APOL4: variants seen among roughly 807,000 people sequenced by gnomAD.
The protein encoded by APOL4 is apolipoprotein L4.
APOL4 carries 14 observed loss-of-function variants against 12.1 expected under a neutral mutation model. That is an observed-to-expected ratio of 1.16 (90% CI 0.76 to 1.81). The LOEUF (loss-of-function observed/expected upper bound fraction) is 1.81, where lower values mean the gene tolerates loss of function less well. Among genes scored for constraint, APOL4 ranks in the 40% most tolerant of loss-of-function variants. The pLI is 0.00. For missense variants in APOL4, 432 were observed against 423.1 expected (o/e 1.02, Z -0.18); for synonymous variants, 171 against 160.6 (o/e 1.06, Z -0.49).
chr22:36,191,611 C>A lies in APOL4; in HGVS notation c.511G>T (p.Ala171Ser), dbSNP rs561038536. 139 of 1,613,638 alleles carry A rather than the reference C, an allele frequency of 8.6e-5. No homozygotes were observed. Among genetic ancestry groups the A allele is most frequent in the Non-Finnish European group, 1.1e-4 (135 of 1,179,678 alleles). ...GATGCTATTCCCAGCCCTACCCCAG[C>A]TGCAGTAATGCTCAGGCTCAGCCCT... The part of the protein sequence containing the change: ...TAGLSLSITA[A>S]GVGLGIASAT... The change falls in exon 4 of 4, where the codon GCT becomes TCT. Residue 171 changes from alanine (A) to serine (S), a missense_variant. Ala to Ser is a moderately conservative substitution (Grantham distance 99, BLOSUM62 1). Transcript: ENST00000683024.
chr22:36,199,218 C>T (rs1000063742), intron 2 of APOL4, 112 bp downstream of exon 2: 21 of 1,450,284 alleles, frequency 1.4e-5, no homozygotes, highest in South Asian at 2.3e-5. Flanking sequence ...GTCTGGGTTC[C>T]GTTGGGGCTC....
chr22:36,200,693 A>G (rs2014545259), intron 1 of APOL4, among the ~76,000 whole-genome samples: 1 of 152,262 alleles, frequency 6.6e-6, no homozygotes, highest in African/African-American at 2.4e-5. Context: ...GGGTATCAAC[A>G]TCTCAAAATG....
intron 3 of APOL4, 127 bp downstream of exon 3, chr22:36,195,184 G>A: frequency 1.6e-6 from 2 of 1,245,744 alleles, no homozygotes; most frequent in South Asian, 2.9e-5. Flanking sequence ...GCACTGCTGA[G>A]AGGGACATCC....
chr22:36,196,694 G>A (rs966086336), intron 2 of APOL4, among the ~76,000 whole-genome samples: 2 of 152,208 alleles, frequency 1.3e-5, no homozygotes, highest in African/African-American at 4.8e-5. Flanking sequence ...TTCCTGCTGT[G>A]CTCATACGTG....
intron 3 of APOL4, 192 bp downstream of exon 3, chr22:36,195,119 C>T (rs891241239): frequency 4.7e-6 from 3 of 639,076 alleles, no homozygotes; most frequent in Non-Finnish European, 5.0e-6. Context: ...CTTCTTCTCC[C>T]CTCAGCCTGA....
chr22:36,189,325 G>T lies in APOL4; in HGVS notation c.*1750C>A, dbSNP rs997487052. On this transcript the variant is annotated 3_prime_UTR_variant, in exon 4 of 4. Transcript: ENST00000683024. ...GATGTTTGGATTCTCAGAGACACCT[G>T]GTCCTCAGCTGGGCACCATGGAAAT... 7 of 152,196 alleles carry T rather than the reference G, an allele frequency of 4.6e-5. No homozygotes were observed. Among genetic ancestry groups the T allele is most frequent in the Admixed American group, 3.9e-4 (6 of 15,256 alleles). 9.4% of individuals were successfully genotyped at this position (152,196 alleles called of 1,614,324 possible).
At chr22:36,193,260 C>G (rs1260972597) in intron 3 of APOL4, among the ~76,000 whole-genome samples, 1 of 152,178 alleles carries the variant, frequency 6.6e-6, no homozygotes, top group African/African-American at 2.4e-5. Context: ...TGTGACTCCC[C>G]CTCTGACTTT....
In APOL4 at chr22:36,201,594, C is replaced by A. The variant is rs114587863; in HGVS notation, c.35+106G>T. The A allele has an allele frequency of 6.9e-3, 7,463 of 1,075,610 alleles. 1,225 individuals are homozygous for A. In the African/African-American group the frequency reaches 0.18, roughly 26 times the overall value. The allele number at this position is 1,075,610 out of a possible 1,614,324, so 66.6% of individuals were successfully genotyped here. On this transcript the variant is annotated intron_variant, in intron 1 of 3. Coordinates refer to ENST00000683024, the MANE Select transcript of APOL4 (RefSeq NM_001386885.1). ...TCTTCCTGCTTTGTTCACTGTGTGA[C>A]CCCCTAGGCCAAGGCAACCATCTCA...
At chr22:36,204,723 A>G, upstream of APOL4, 4 of 396,406 alleles carry the variant, frequency 1.0e-5, no homozygotes, top group South Asian at 1.2e-4. Context: ...ATAACCAGAC[A>G]CGTCCTCCAG....
At chr22:36,197,158 C>T (rs1434754388) in intron 2 of APOL4, among the ~76,000 whole-genome samples, 2 of 152,172 alleles carry the variant, frequency 1.3e-5, no homozygotes, top group African/African-American at 2.4e-5. Context: ...GCCGCCCAGC[C>T]CAGCCCTTCC....
At position 36,195,376 on chromosome 22, in the gene APOL4, A is replaced by G; in HGVS notation, c.144T>C (p.His48=). 1 of 1,613,798 alleles carries G rather than the reference A, an allele frequency of 6.2e-7. No individual in the cohort carries two copies. Among genetic ancestry groups the G allele is most frequent in the Non-Finnish European group, 8.5e-7 (1 of 1,179,860 alleles). Residue 48 remains histidine, a synonymous_variant, in exon 3 of 4, where the codon CAT becomes CAC. Transcript: ENST00000683024. ...CATCGCTAGTCAGCAGGATTTTCAG[A>G]TGCACTGGGCTAACTTTCTTCTGGA... The part of the protein sequence containing the change: ...EYFQKKVSPV[H]LKILLTSDEA...
In APOL4 at chr22:36,201,755, C is replaced by G; in HGVS notation, c.-21G>C. 6.2e-7 allele frequency: 1 copy of G among 1,603,224 alleles called. No individual in the cohort carries two copies. Among genetic ancestry groups the G allele is most frequent in the Non-Finnish European group, 8.5e-7 (1 of 1,174,932 alleles). The stretch of plus-strand genomic sequence containing the variant: ...CCCATCCTCCTTGGTCATTGTTGGC[C>G]TGGCTCAGACGCTGATCTGGGGCCT... On this transcript the variant is annotated 5_prime_UTR_variant, in exon 1 of 4. Coordinates refer to ENST00000683024, the MANE Select transcript of APOL4 (RefSeq NM_001386885.1).
chr22:36,195,743 A>ATCTCTCTC (rs143180155), intron 2 of APOL4, among the ~76,000 whole-genome samples: 2 of 93,464 alleles, frequency 2.1e-5, no homozygotes, highest in African/African-American at 8.7e-5. Flanking sequence ...GAGACAGATG[A>ATCTCTCTC]TCTCTCTCTC....
At position 36,197,538 on chromosome 22, in the gene APOL4, A is replaced by T. The variant is rs2014446284; in HGVS notation, c.82+1792T>A. The stretch of plus-strand genomic sequence containing the variant: ...TTAAAATAAAAACCAGACCTGAAAC[A>T]TTCCCGGGCAAACAAAACCAACCAG... On this transcript the variant is annotated intron_variant, in intron 2 of 3. Coordinates refer to ENST00000683024, the MANE Select transcript of APOL4 (RefSeq NM_001386885.1). 3.6e-6 allele frequency: 5 copies of T among 1,386,680 alleles called. No homozygotes were observed. In the South Asian group the frequency reaches 9.2e-5, roughly 26 times the overall value. 85.9% of individuals were successfully genotyped at this position (1,386,680 alleles called of 1,614,324 possible).
chr22:36,201,871 G>A (rs950696329), upstream of APOL4: 25 of 1,584,678 alleles, frequency 1.6e-5, no homozygotes, highest in Admixed American at 5.5e-5. Context: ...GGTCAATTCC[G>A]GGAAGTGATT....
intron 2 of APOL4, among the ~76,000 whole-genome samples, chr22:36,198,892 G>A (rs372464768): frequency 2.6e-5 from 4 of 152,162 alleles, no homozygotes; most frequent in Admixed American, 6.5e-5. Flanking sequence ...GGAGGGGACC[G>A]GCCTCTGCTG....
chr22:36,189,566 G>A lies in APOL4; in HGVS notation c.*1509C>T, dbSNP rs9610436. ...TCCATTCTTGGAAGGACATCCAACC[G>A]GGGGGCGGGTCTTTAGTGGAGCCGC... On this transcript the variant is annotated 3_prime_UTR_variant, in exon 4 of 4. Coordinates refer to ENST00000683024, the MANE Select transcript of APOL4 (RefSeq NM_001386885.1). 4,013 of 152,268 alleles carry A rather than the reference G, an allele frequency of 0.026. 84 individuals carry two copies. Among genetic ancestry groups the A allele is most frequent in the African/African-American group, 0.045 (1,876 of 41,490 alleles). 9.4% of individuals were successfully genotyped at this position (152,268 alleles called of 1,614,324 possible). A position where few individuals can be genotyped will look rare whatever the true frequency, so the allele number is the denominator to read the frequency against.
chr22:36,197,582 A>AC (rs112900962), intron 2 of APOL4: 549,751 of 1,465,072 alleles, frequency 0.38, 110,153 homozygotes, highest in Non-Finnish European at 0.41. Flanking sequence ...AACAGCTGTA[A>AC]CCCCCCATGA....
intron 2 of APOL4, among the ~76,000 whole-genome samples, chr22:36,195,768 T>A (rs1267516967): frequency 1.2e-4 from 13 of 105,510 alleles, no homozygotes; most frequent in African/African-American, 4.6e-4. Flanking sequence ...TCTCTCTCTC[T>A]CTCTCTCTCA....
Sources: allele counts gnomAD v4.1 joint callset (sites outside exome capture counted in the v4.1 genomes callset), GRCh38; gene constraint gnomAD v4.1.1; transcripts MANE v1.5; gene names NCBI Gene and HGNC (gene_info 2026-07-23, HGNC 2026-07-21).